The following BRINP2 variants were observed in gnomAD, a reference collection of about 807,000 sequenced individuals.
The protein encoded by BRINP2 is BMP/retinoic acid inducible neural specific 2.
A neutral mutation model predicts 69.2 loss-of-function variants in BRINP2; 21 were observed. The ratio of observed to expected loss-of-function variants is 0.30; its 90% CI spans 0.22 to 0.44. The LOEUF is 0.44. Among genes scored for constraint, BRINP2 ranks in the 20% least tolerant of loss-of-function variants. BRINP2 has a pLI of 1.00. For synonymous variants in BRINP2, 380 were observed against 394.1 expected (o/e 0.96, Z 0.42); for missense variants, 877 against 986.0 (o/e 0.89, Z 1.48).
intron 1 of BRINP2, among the ~76,000 whole-genome samples, chr1:177,223,308 AT>A (rs1374822251): frequency 1.3e-5 from 2 of 152,148 alleles, no homozygotes; most frequent in African/African-American, 4.8e-5. Flanking sequence ...ACTAGGTCTA[AT>A]GTCACTAAAG....
chr1:177,188,698 G>A (rs1029046226), intron 1 of BRINP2, among the ~76,000 whole-genome samples: 9 of 152,064 alleles, frequency 5.9e-5, no homozygotes, highest in African/African-American at 2.2e-4. Context: ...TGAGGTACAC[G>A]TGTTTTTTCC....
chr1:177,189,897 G>C (rs1648537533), intron 1 of BRINP2, among the ~76,000 whole-genome samples: 1 of 152,128 alleles, frequency 6.6e-6, no homozygotes. Flanking sequence ...AAAAGGAAAG[G>C]GGTGTATGTG....
Position 177,281,709 on chromosome 1 carries a change from CGCGCACG to C in BRINP2, c.*182_*188del, listed in dbSNP as rs1487157728. ...GAGAGAAACAGCTACTGCGTGCGTG[CGCGCACG>C]CATACACACACACACACACACACTG... On this transcript the variant is annotated 3_prime_UTR_variant, in exon 8 of 8. Coordinates refer to ENST00000361539, the MANE Select transcript of BRINP2 (RefSeq NM_021165.4). The C allele has an allele frequency of 2.9e-6, 2 of 688,136 alleles. No individual in the cohort carries two copies. Among genetic ancestry groups the C allele is most frequent in the Non-Finnish European group, 4.7e-6 (2 of 422,744 alleles). 42.6% of individuals were successfully genotyped at this position (688,136 alleles called of 1,614,324 possible).
chr1:177,269,307 AGC>A (rs1344840335), intron 4 of BRINP2, among the ~76,000 whole-genome samples: 4 of 152,266 alleles, frequency 2.6e-5, no homozygotes, highest in Non-Finnish European at 1.5e-5. Flanking sequence ...GAGCACAGCA[AGC>A]ACTTTGCACA....
At chr1:177,192,427 T>G (rs1423657431) in intron 1 of BRINP2, among the ~76,000 whole-genome samples, 1 of 152,196 alleles carries the variant, frequency 6.6e-6, no homozygotes, top group Non-Finnish European at 1.5e-5. Flanking sequence ...AAGGAAATTA[T>G]TTACAGAAAT....
At chr1:177,183,296 G>T (rs1571884273) in intron 1 of BRINP2, among the ~76,000 whole-genome samples, 1 of 150,552 alleles carries the variant, frequency 6.6e-6, no homozygotes, top group Admixed American at 6.6e-5. Flanking sequence ...TTGTTTTTGT[G>T]ATATATGGTT....
intron 4 of BRINP2, among the ~76,000 whole-genome samples, chr1:177,268,330 G>A (rs780214751): frequency 2.6e-5 from 4 of 152,150 alleles, no homozygotes; most frequent in East Asian, 1.9e-4. Flanking sequence ...TTGGTGCTAC[G>A]ACACCTGCCA....
chr1:177,172,388 C>G (rs981925255), intron 1 of BRINP2, among the ~76,000 whole-genome samples: 5 of 152,226 alleles, frequency 3.3e-5, no homozygotes, highest in African/African-American at 1.2e-4. Flanking sequence ...TATCATCTAG[C>G]AGATCTCTGT....
Position 177,273,496 on chromosome 1 carries a change from G to T in BRINP2, c.678G>T (p.Glu226Asp). Residue 226 changes from glutamate (E) to aspartate (D), a missense_variant, in exon 5 of 8, where the codon GAG becomes GAT. This residue lies in a region of BRINP2 where 566 missense variants were observed against 625.2 expected (regional missense o/e 0.91). Coordinates refer to ENST00000361539, the MANE Select transcript of BRINP2 (RefSeq NM_021165.4). Reference sequence around the variant, plus strand: ...ACTCCTTCCTTCTCTAGGTCACCGAGACCAGGACCGGTCCTCTGGGCTGCA... The same window carrying T: ...ACTCCTTCCTTCTCTAGGTCACCGATACCAGGACCGGTCCTCTGGGCTGCA... ...QIATGAIKVTETRTGPLGCSN... is the reference protein window; with the variant it reads ...QIATGAIKVTDTRTGPLGCSN... 6.2e-7 allele frequency: 1 copy of T among 1,610,352 alleles called. No individual in the cohort carries two copies. The highest frequency in any genetic ancestry group is 8.5e-7 in the Non-Finnish European group (1 of 1,178,152).
intron 1 of BRINP2, among the ~76,000 whole-genome samples, chr1:177,175,247 A>G (rs1030169973): frequency 6.6e-6 from 1 of 150,516 alleles, no homozygotes. Flanking sequence ...AATAAAACAT[A>G]CACTGTAGCA....
At chr1:177,262,769 G>A (rs1045098186) in intron 4 of BRINP2, among the ~76,000 whole-genome samples, 2 of 152,170 alleles carry the variant, frequency 1.3e-5, no homozygotes, top group African/African-American at 2.4e-5. Context: ...TTGGCTAACA[G>A]GAAGAAAAGG....
chr1:177,270,086 G>GC (rs1553275368), intron 4 of BRINP2, among the ~76,000 whole-genome samples: 1 of 137,742 alleles, frequency 7.3e-6, no homozygotes, highest in Non-Finnish European at 1.6e-5. Context: ...AAGGGGTGGG[G>GC]GGGGTGGTTC....
At position 177,276,292 on chromosome 1, in the gene BRINP2, C is replaced by T. The variant is rs750223104; in HGVS notation, c.870C>T (p.Cys290=). 2 of 1,614,238 alleles carry T rather than the reference C, an allele frequency of 1.2e-6. No individual in the cohort carries two copies. The highest frequency in any genetic ancestry group is 4.5e-5 in the East Asian group (2 of 44,884). The change falls in exon 6 of 8, where the codon TGC becomes TGT. Residue 290 remains cysteine (C), a synonymous_variant. Coordinates refer to ENST00000361539, the MANE Select transcript of BRINP2 (RefSeq NM_021165.4). ...GCAGCTCTGAGGGTGAGCTCGTCTG[C>T]AAGGAGAATGACTGCTGGTGCAAGT... ...ITCSSEGELV[C]KENDCWCKCS...
In BRINP2 at chr1:177,221,657, AT is replaced by A. The variant is rs557188949; in HGVS notation, c.-76-8141del. The stretch of plus-strand genomic sequence containing the variant: ...TATTTCCCTCTTTCCTCCCTTCCCT[AT>A]TTCCATTCCACTCCCTACCTTCCCC... On this transcript the variant is annotated intron_variant, in intron 1 of 7. Coordinates refer to ENST00000361539, the MANE Select transcript of BRINP2 (RefSeq NM_021165.4). 7.2e-5 allele frequency among the ~76,000 whole-genome samples: 11 copies of A among 151,956 alleles called. No homozygotes were observed. The South Asian group carries it at 2.3e-3, about 32-fold the overall frequency.
intron 1 of BRINP2, among the ~76,000 whole-genome samples, chr1:177,181,787 C>T (rs1648257387): frequency 6.6e-6 from 1 of 152,124 alleles, no homozygotes; most frequent in East Asian, 1.9e-4. Context: ...TCCGACCTTT[C>T]GGATTTGAGC....
chr1:177,232,996 C>T (rs956977968), intron 2 of BRINP2, among the ~76,000 whole-genome samples: 3 of 152,178 alleles, frequency 2.0e-5, no homozygotes, highest in African/African-American at 7.2e-5. Context: ...GGTGCAGAAT[C>T]ACTTGAAGAT....
intron 1 of BRINP2, among the ~76,000 whole-genome samples, chr1:177,202,458 T>C (rs1648943140): frequency 6.6e-6 from 1 of 152,232 alleles, no homozygotes; most frequent in African/African-American, 2.4e-5. Flanking sequence ...TTTCATTATG[T>C]ACCCAATAGT....
At chr1:177,223,855 G>A (rs1008050911) in intron 1 of BRINP2, among the ~76,000 whole-genome samples, 6 of 152,032 alleles carry the variant, frequency 3.9e-5, no homozygotes, top group African/African-American at 7.2e-5. Context: ...ACTGAAGGTC[G>A]AATCCTGGAG....
At chr1:177,245,303 A>G (rs546353043) in intron 2 of BRINP2, among the ~76,000 whole-genome samples, 2 of 152,134 alleles carry the variant, frequency 1.3e-5, no homozygotes, top group Admixed American at 1.3e-4. Flanking sequence ...CAAGCAGAAA[A>G]GGTGGAGCAT....
Sources: allele counts gnomAD v4.1 joint callset (sites outside exome capture counted in the v4.1 genomes callset), GRCh38; gene constraint gnomAD v4.1.1; regional missense constraint gnomAD v4.1.1; transcripts MANE v1.5; gene names NCBI Gene and HGNC (gene_info 2026-07-23, HGNC 2026-07-21).